Variants in DDB1 observed in about 807,000 individuals in gnomAD.
The protein encoded by DDB1 is DNA damage-binding protein 1.
Under a neutral mutation model 133.1 loss-of-function variants are expected in DDB1, and 18 were observed. That is an observed-to-expected ratio of 0.14 (90% CI 0.09 to 0.20). The LOEUF (loss-of-function observed/expected upper bound fraction) is 0.20, where lower values mean the gene tolerates loss of function less well. Among genes scored for constraint, DDB1 ranks in the 10% least tolerant of loss-of-function variants. The probability of loss-of-function intolerance (pLI) is 1.00; values close to 1 mark genes in which losing one functional copy is unlikely to be tolerated. For synonymous variants in DDB1, 580 were observed against 550.5 expected (o/e 1.05, Z -0.75); for missense variants, 828 against 1,459.2 (o/e 0.57, Z 7.05).
At chr11:61,318,506 A>G (rs1197967154) in intron 10 of DDB1, among the ~76,000 whole-genome samples, 1 of 152,116 alleles carries the variant, frequency 6.6e-6, no homozygotes, top group Non-Finnish European at 1.5e-5. Context: ...GTTAATGTGC[A>G]TTTCTCAGGA....
intron 16 of DDB1, among the ~76,000 whole-genome samples, chr11:61,312,412 T>G (rs1000463962): frequency 6.6e-6 from 1 of 152,106 alleles, no homozygotes; most frequent in Non-Finnish European, 1.5e-5. Context: ...GTCAAAACAG[T>G]CTGCTGGGCC....
At chr11:61,329,693 G>A in intron 3 of DDB1, 109 bp from the exon 4 acceptor site, 2 of 1,030,334 alleles carry the variant, frequency 1.9e-6, no homozygotes, top group Non-Finnish European at 2.8e-6. Context: ...TAAAACTAAT[G>A]GATCTATTTG....
chr11:61,302,119 AAAAAC>A (rs2134891653), intron 25 of DDB1, 133 bp downstream of exon 25: 4 of 724,642 alleles, frequency 5.5e-6, no homozygotes, highest in East Asian at 5.3e-5. Flanking sequence ...TGAAAAAGTC[AAAAAC>A]AAAACAAAAC....
At chr11:61,308,896 C>G in intron 21 of DDB1, 87 bp downstream of exon 21, 1 of 1,271,408 alleles carries the variant, frequency 7.9e-7, no homozygotes, top group Non-Finnish European at 1.1e-6. Context: ...ATCTGACACA[C>G]ACGTGGCCCC....
At chr11:61,302,216 G>A in intron 25 of DDB1, 41 bp downstream of exon 25, 1 of 1,557,702 alleles carries the variant, frequency 6.4e-7, no homozygotes, top group Non-Finnish European at 8.9e-7. Flanking sequence ...ACATATGCCG[G>A]GATGTGCTTC....
At chr11:61,316,250 T>C in intron 12 of DDB1, 35 bp downstream of exon 12, 1 of 1,583,892 alleles carries the variant, frequency 6.3e-7, no homozygotes, top group Non-Finnish European at 8.7e-7. Context: ...TCAATTCAAG[T>C]ATATGGTAAC....
intron 6 of DDB1, among the ~76,000 whole-genome samples, chr11:61,324,991 A>G (rs894930548): frequency 6.6e-6 from 1 of 152,072 alleles, no homozygotes; most frequent in Non-Finnish European, 1.5e-5. Context: ...TCTACTAAAA[A>G]TACAAAATTA....
intron 7 of DDB1, 131 bp downstream of exon 7, chr11:61,323,848 A>G: frequency 1.0e-6 from 1 of 1,004,744 alleles, no homozygotes; most frequent in Non-Finnish European, 1.5e-6. Context: ...GTCAACTTCC[A>G]CAGCAGGAAC....
At chr11:61,304,331 G>A (rs574061992) in intron 21 of DDB1, among the ~76,000 whole-genome samples, 124 of 152,060 alleles carry the variant, frequency 8.2e-4, no homozygotes, top group African/African-American at 2.8e-3. Flanking sequence ...GCTTGGTGGC[G>A]CACACCTGTA....
intron 16 of DDB1, 148 bp downstream of exon 16, chr11:61,313,351 G>T: frequency 1.4e-6 from 1 of 703,582 alleles, no homozygotes. Context: ...GTTTCTATTG[G>T]GTAGCCAGTT....
In DDB1 at chr11:61,303,956, AGGT is replaced by A; in HGVS notation, c.2738_2740del (p.Tyr913del). On this transcript the variant is annotated inframe_deletion, in exon 22 of 27. Transcript: ENST00000301764. ...CAGGATGAAGTCGCCCTTGGTCTTCAGGTAGAGGGCCATGATGTTGTTGTAGTG... is the reference window on the plus strand; with the variant it reads ...CAGGATGAAGTCGCCCTTGGTCTTCAAGAGGGCCATGATGTTGTTGTAGTG... 1 of 1,614,044 alleles carries A rather than the reference AGGT, an allele frequency of 6.2e-7. No homozygotes were observed. The highest frequency in any genetic ancestry group is 8.5e-7 in the Non-Finnish European group (1 of 1,180,010).
Position 61,328,092 on chromosome 11 carries a change from G to C in DDB1, c.550-1199C>G, listed in dbSNP as rs180846820. Among the ~76,000 whole-genome samples the C allele has an allele frequency of 1.8e-3, 274 of 152,254 alleles. 2 individuals carry two copies. Among genetic ancestry groups the C allele is most frequent in the African/African-American group, 6.5e-3 (268 of 41,546 alleles). On this transcript the variant is annotated intron_variant, in intron 4 of 26. Transcript: ENST00000301764. The stretch of plus-strand genomic sequence containing the variant: ...TCACAGCTGGCAGCCCTGAAGCTTA[G>C]AACAACCAGCCTTGAATAATCAACA...
Position 61,325,570 on chromosome 11 carries a change from A to G in DDB1, c.762+41T>C, listed in dbSNP as rs577469454. On this transcript the variant is annotated intron_variant, in intron 6 of 26. Transcript: ENST00000301764. ...AGGGAGGAGCAAGGTGAGGACAAGG[A>G]AAGAAAAGATGAAAGGAAAAAAAGG... The G allele has an allele frequency of 6.5e-6, 10 of 1,550,006 alleles. No homozygotes were observed. In the Admixed American group the frequency reaches 1.7e-4, roughly 27 times the overall value.
In DDB1 at chr11:61,313,699, C is replaced by T. The variant is rs1024150217; in HGVS notation, c.1869G>A (p.Leu623=). 3.7e-6 allele frequency: 6 copies of T among 1,609,520 alleles called. No homozygotes were observed. The Admixed American group carries it at 1.0e-4, about 27-fold the overall frequency. ...YFGLNIETGL[L]SDRKKVTLGT... ...CCAAAGTCACCTTCTTACGGTCGCT[C>T]AACAGACCTACAGAGAGAATGACAT... is the stretch of plus-strand genomic sequence containing the variant. Residue 623 remains leucine (L), a synonymous_variant, in exon 16 of 27, where the codon TTG becomes TTA. Transcript: ENST00000301764.
At chr11:61,320,631 C>T (rs955282477) in intron 10 of DDB1, among the ~76,000 whole-genome samples, 7 of 152,024 alleles carry the variant, frequency 4.6e-5, no homozygotes, top group Non-Finnish European at 8.8e-5. Context: ...CTCAAGCAAT[C>T]CTCCTGCCTC....
At position 61,320,194 on chromosome 11, in the gene DDB1, CTTTTCTTT is replaced by C. The variant is rs552610659; in HGVS notation, c.1225+1393_1225+1400del. On this transcript the variant is annotated intron_variant, in intron 10 of 26. Transcript: ENST00000301764. ...TTCCTTTGCAATTTCATATACTTCT[CTTTTCTTT>C]TTTTCTTTTTTTTTTTGAGATGGAG... Among the ~76,000 whole-genome samples the C allele has an allele frequency of 3.8e-3, 576 of 151,110 alleles. 3 individuals are homozygous for C. The highest frequency in any genetic ancestry group is 5.9e-3 in the Non-Finnish European group (403 of 67,752).
rs1299359839 is a variant in DDB1 at position 61,312,055 on chromosome 11, G to A, written c.2099C>T (p.Thr700Ile). The change falls in exon 17 of 27, where the codon ACC becomes ATC. Residue 700 changes from threonine (T) to isoleucine (I), a missense_variant. Around this residue, in one of 7 missense-constraint regions of DDB1, gnomAD observed 396 missense variants for 554.1 expected, o/e 0.71. Coordinates refer to ENST00000301764, the MANE Select transcript of DDB1 (RefSeq NM_001923.5). ...SLALANNSTLTIGTIDEIQKL... is the reference protein window; with the variant it reads ...SLALANNSTLIIGTIDEIQKL... ...CTGGATCTCATCGATGGTGCCAATG[G>A]TGAGGGTGCTATTGTTGGCCAGCGC... 1.2e-6 allele frequency: 2 copies of A among 1,614,122 alleles called. No individual in the cohort carries two copies. Among genetic ancestry groups the A allele is most frequent in the African/African-American group, 1.3e-5 (1 of 74,940 alleles).
intron 21 of DDB1, among the ~76,000 whole-genome samples, chr11:61,308,025 TAC>T (rs1855904825): frequency 6.6e-6 from 1 of 152,164 alleles, no homozygotes; most frequent in Non-Finnish European, 1.5e-5. Flanking sequence ...CCTGCTCCCC[TAC>T]AGTCTTTCCA....
chr11:61,325,937 G>C, intron 5 of DDB1: 1 of 601,792 alleles, frequency 1.7e-6, no homozygotes, highest in African/African-American at 1.8e-5. Flanking sequence ...TCTGGTGTTC[G>C]ACTATTCCTA....
Sources: gnomAD v4.1 joint callset for allele counts (sites outside exome capture counted in the v4.1 genomes callset) on GRCh38, gnomAD v4.1.1 for gene constraint, gnomAD v4.1.1 regional missense constraint, MANE v1.5 for transcripts, NCBI Gene and HGNC (gene_info 2026-07-23, HGNC 2026-07-21) for gene names.